AREL1: variants seen among roughly 807,000 people sequenced by gnomAD.
AREL1 encodes apoptosis-resistant E3 ubiquitin protein ligase 1.
A neutral mutation model predicts 99.0 loss-of-function variants in AREL1; 62 were observed. That is an observed-to-expected ratio of 0.63 (90% CI 0.51 to 0.77). The LOEUF (loss-of-function observed/expected upper bound fraction) is 0.77. Among genes scored for constraint, AREL1 ranks in the 30% least tolerant of loss-of-function variants. The pLI is 0.00. For synonymous variants in AREL1, 380 were observed against 376.5 expected, an observed-to-expected ratio of 1.01 and a Z score of -0.11; for missense variants, 879 against 1,027.6, an observed-to-expected ratio of 0.86 and a Z score of 1.98.
Position 74,662,833 on chromosome 14 carries a change from C to T in AREL1, c.*887G>A. 1 of 378,744 alleles carries T rather than the reference C, an allele frequency of 2.6e-6. No homozygotes were observed. Among genetic ancestry groups the T allele is most frequent in the Admixed American group, 4.5e-5 (1 of 22,068 alleles). 23.5% of individuals were successfully genotyped at this position (378,744 alleles called of 1,614,324 possible). Reference sequence around the variant, plus strand: ...TTTCTTCAGTAGAATGCTAAAGGATCCCCAGCTTTTAGCAGACTACATAAT... The same window carrying T: ...TTTCTTCAGTAGAATGCTAAAGGATTCCCAGCTTTTAGCAGACTACATAAT... On this transcript the variant is annotated 3_prime_UTR_variant, in exon 20 of 20. Transcript: ENST00000356357.
chr14:74,669,509 T>C, intron 15 of AREL1, 140 bp downstream of exon 15: 2 of 1,075,156 alleles, frequency 1.9e-6, no homozygotes. Flanking sequence ...AGTTCACTTA[T>C]TATGTCACCC....
At chr14:74,702,374 C>T (rs1379322127) in intron 1 of AREL1, among the ~76,000 whole-genome samples, 1 of 152,248 alleles carries the variant, frequency 6.6e-6, no homozygotes, top group East Asian at 1.9e-4. Flanking sequence ...ACAGGCTCAA[C>T]ATCACGTGTA....
Position 74,683,445 on chromosome 14 carries a change from A to T in AREL1, c.332T>A (p.Ile111Asn), listed in dbSNP as rs1202136268. 2 of 1,614,142 alleles carry T rather than the reference A, an allele frequency of 1.2e-6. No individual in the cohort carries two copies. Among genetic ancestry groups the T allele is most frequent in the Non-Finnish European group, 1.7e-6 (2 of 1,180,032 alleles). Residue 111 changes from isoleucine (I) to asparagine (N), a missense_variant, in exon 5 of 20, where the codon ATT becomes AAT. Coordinates refer to ENST00000356357, the MANE Select transcript of AREL1 (RefSeq NM_001039479.2). ...HISHVELAVE[I>N]PVTQEVLQEP... ...CTGAAGGACTTCCTGGGTCACTGGA[A>T]TTTCCACTGCTAGCTCGACATGAGA... is the stretch of plus-strand genomic sequence containing the variant.
intron 4 of AREL1, 98 bp from the exon 5 acceptor site, chr14:74,683,631 C>T (rs2089684313): frequency 9.3e-7 from 1 of 1,073,324 alleles, no homozygotes; most frequent in Non-Finnish European, 1.4e-6. Flanking sequence ...TGGCAGAGAC[C>T]ACACCAGTAA....
At chr14:74,712,228 T>C (rs1414384106) in intron 1 of AREL1, among the ~76,000 whole-genome samples, 1 of 151,832 alleles carries the variant, frequency 6.6e-6, no homozygotes, top group African/African-American at 2.4e-5. Context: ...TCAAAGAAGG[T>C]AATATGAATA....
intron 1 of AREL1, among the ~76,000 whole-genome samples, chr14:74,699,350 T>C (rs184077830): frequency 7.6e-6 from 1 of 132,132 alleles, no homozygotes; most frequent in Non-Finnish European, 1.6e-5. Context: ...CAGTGAGGGG[T>C]GTGTGTGTGT....
chr14:74,700,311 TG>T (rs1486772146), intron 1 of AREL1, among the ~76,000 whole-genome samples: 1 of 152,216 alleles, frequency 6.6e-6, no homozygotes, highest in Admixed American at 6.5e-5. Context: ...AAAGCTAAAA[TG>T]ACTTGCCTAT....
chr14:74,693,258 G>A (rs142943556), intron 1 of AREL1, among the ~76,000 whole-genome samples: 1 of 152,214 alleles, frequency 6.6e-6, no homozygotes, highest in East Asian at 1.9e-4. Context: ...TGCTCCCTTC[G>A]TGCCCACATA....
chr14:74,711,523 G>GC (rs1295976456), intron 1 of AREL1, among the ~76,000 whole-genome samples: 1 of 152,130 alleles, frequency 6.6e-6, no homozygotes, highest in East Asian at 1.9e-4. Context: ...AACCTGGGCA[G>GC]CAGAGGGAGG....
chr14:74,667,652 T>C, intron 15 of AREL1, 58 bp from the exon 16 acceptor site: 2 of 1,541,834 alleles, frequency 1.3e-6, no homozygotes, highest in Non-Finnish European at 8.7e-7. Context: ...ATTTATGAGA[T>C]GACATCTGCC....
At chr14:74,701,288 T>C (rs1360666761) in intron 1 of AREL1, among the ~76,000 whole-genome samples, 1 of 152,172 alleles carries the variant, frequency 6.6e-6, no homozygotes, top group African/African-American at 2.4e-5. Context: ...TCCAATTTCA[T>C]GCTGCTGTTA....
chr14:74,684,194 T>C (rs961015850), intron 4 of AREL1, among the ~76,000 whole-genome samples: 2 of 152,214 alleles, frequency 1.3e-5, no homozygotes, highest in African/African-American at 4.8e-5. Context: ...CTAACCCCTA[T>C]CTATAATACT....
intron 1 of AREL1, among the ~76,000 whole-genome samples, chr14:74,695,067 T>A (rs2089958226): frequency 6.7e-6 from 1 of 149,292 alleles, no homozygotes; most frequent in Non-Finnish European, 1.5e-5. Context: ...AACTTTTCTT[T>A]CCTTCTTTTT....
chr14:74,699,058 G>A (rs1461437202), intron 1 of AREL1, among the ~76,000 whole-genome samples: 1 of 152,088 alleles, frequency 6.6e-6, no homozygotes, highest in Non-Finnish European at 1.5e-5. Context: ...GACCACCTGG[G>A]GCTAAACTAG....
chr14:74,663,686 G>A lies in AREL1; in HGVS notation c.*34C>T, dbSNP rs1566675574. 1.3e-6 allele frequency: 2 copies of A among 1,592,976 alleles called. No homozygotes were observed. The highest frequency in any genetic ancestry group is 1.7e-6 in the Non-Finnish European group (2 of 1,161,940). On this transcript the variant is annotated 3_prime_UTR_variant, in exon 20 of 20. Coordinates refer to ENST00000356357, the MANE Select transcript of AREL1 (RefSeq NM_001039479.2). ...GTAACTTGCGCCCAGAAGCTCCAGA[G>A]AGCATGGGAGCCAACTGGATGACAG...
In AREL1 at chr14:74,676,597, A is replaced by G. The variant is rs200571905; in HGVS notation, c.637T>C (p.Leu213=). ...MSLRDEHNYT[L]SIHELGPQEE... ...AGACTGCTTACCTCATGAATGGACA[A>G]GGTGTAATTGTGCTCATCTCTCAAG... The change falls in exon 6 of 20, where the codon TTG becomes CTG. Residue 213 remains leucine, a synonymous_variant. Transcript: ENST00000356357. The G allele has an allele frequency of 1.2e-5, 20 of 1,613,184 alleles. No homozygotes were observed. In the East Asian group the frequency reaches 4.2e-4, roughly 34 times the overall value.
intron 2 of AREL1, among the ~76,000 whole-genome samples, chr14:74,686,039 T>C (rs576378024): frequency 2.6e-5 from 4 of 152,280 alleles, no homozygotes; most frequent in Non-Finnish European, 5.9e-5. Flanking sequence ...GGAGTCACTT[T>C]CCCCTTATGT....
chr14:74,671,349 GAGAAGGTGCGA>G, intron 12 of AREL1, 48 bp downstream of exon 12: 1 of 233,804 alleles, frequency 4.3e-6, no homozygotes, highest in Non-Finnish European at 8.6e-6. Context: ...TTTTTTTGTG[GAGAAGGTGCGA>G]GTGGGGAGGA....
intron 1 of AREL1, among the ~76,000 whole-genome samples, chr14:74,695,202 C>G (rs1226886874): frequency 6.6e-6 from 1 of 151,442 alleles, no homozygotes; most frequent in Admixed American, 6.6e-5. Flanking sequence ...GCCTCAGCCT[C>G]CCTAGTGGCT....
Sources: gnomAD v4.1 joint callset for allele counts (sites outside exome capture counted in the v4.1 genomes callset) on GRCh38, gnomAD v4.1.1 for gene constraint, MANE v1.5 for transcripts, NCBI Gene and HGNC (gene_info 2026-07-23, HGNC 2026-07-21) for gene names.